SH3KBP1: variants seen among roughly 807,000 people sequenced by gnomAD.
SH3KBP1 encodes SH3 domain-containing kinase-binding protein 1.
Under a neutral mutation model 50.1 loss-of-function variants are expected in SH3KBP1, and 8 were observed. That is an observed-to-expected ratio of 0.16 (90% confidence interval 0.09 to 0.29). The LOEUF is 0.29. Among genes scored for constraint, SH3KBP1 ranks in the 10% least tolerant of loss-of-function variants. SH3KBP1 has a pLI of 1.00. For missense variants in SH3KBP1, 377 were observed against 535.2 expected (o/e 0.70, Z 2.92); for synonymous variants, 227 against 218.6 (o/e 1.04, Z -0.34).
chrX:19,744,224 G>A (rs745808221), intron 3 of SH3KBP1, among the ~76,000 whole-genome samples: 4 of 112,396 alleles, frequency 3.6e-5, no homozygotes, highest in Non-Finnish European at 7.5e-5. Context: ...CAAGTAACTA[G>A]AATCATCCCA....
At chrX:19,659,455 G>C (rs1177834266) in intron 6 of SH3KBP1, among the ~76,000 whole-genome samples, 1 of 109,814 alleles carries the variant, frequency 9.1e-6, no homozygotes, top group Non-Finnish European at 1.9e-5. Context: ...CTAGAGACAG[G>C]GTCTCACTAT....
chrX:19,780,032 A>G (rs1258247719), intron 2 of SH3KBP1, among the ~76,000 whole-genome samples: 82 of 106,002 alleles, frequency 7.7e-4, no homozygotes, highest in Admixed American at 8.3e-4. Flanking sequence ...CTTCCACAAT[A>G]GTTGAACTAG....
At chrX:19,823,232 G>A (rs2067578056) in intron 2 of SH3KBP1, among the ~76,000 whole-genome samples, 1 of 111,397 alleles carries the variant, frequency 9.0e-6, no homozygotes, top group African/African-American at 3.3e-5. Flanking sequence ...TATCTAAAAC[G>A]ACACCCATTT....
Position 19,545,959 on chromosome X carries a change from G to T in SH3KBP1, c.1586C>A (p.Ala529Glu), listed in dbSNP as rs747700708. 2.5e-6 allele frequency: 3 copies of T among 1,210,852 alleles called. No homozygotes were observed. The highest frequency in any genetic ancestry group is 3.4e-6 in the Non-Finnish European group (3 of 894,830). The change falls in exon 15 of 18, where the codon GCG becomes GAG. Residue 529 changes from alanine to glutamate, a missense_variant. Physicochemically the swap from Ala to Glu is moderately radical, Grantham distance 107. Transcript: ENST00000397821. ...HISLAHRGVD[A>E]SKKTSKTVTI... ...AACAGTCTTGGAAGTTTTCTTTGACGCGTCCACTCCTCTGTGCGCAAGTGA... is the reference window on the plus strand; with the variant it reads ...AACAGTCTTGGAAGTTTTCTTTGACTCGTCCACTCCTCTGTGCGCAAGTGA...
intron 1 of SH3KBP1, among the ~76,000 whole-genome samples, chrX:19,866,249 A>C (rs752600393): frequency 2.7e-5 from 3 of 111,538 alleles, no homozygotes; most frequent in Non-Finnish European, 5.7e-5. Context: ...CAACTAAGGA[A>C]GATAAAGGAG....
At chrX:19,711,994 A>G (rs1414797692) in intron 3 of SH3KBP1, among the ~76,000 whole-genome samples, 1 of 111,622 alleles carries the variant, frequency 9.0e-6, no homozygotes, top group Non-Finnish European at 1.9e-5. Flanking sequence ...TCAGCAACAA[A>G]TCAGCACCAC....
chrX:19,802,714 C>G (rs1000037922), intron 2 of SH3KBP1, among the ~76,000 whole-genome samples: 1 of 111,524 alleles, frequency 9.0e-6, no homozygotes, highest in African/African-American at 3.3e-5. Context: ...ATTCCTTCCT[C>G]TTCTGCCCCA....
At chrX:19,640,150 A>AT (rs1293224796) in intron 7 of SH3KBP1, among the ~76,000 whole-genome samples, 1 of 111,262 alleles carries the variant, frequency 9.0e-6, no homozygotes, top group African/African-American at 3.3e-5. Context: ...AAAGTATGTG[A>AT]TTTTAGAGAC....
chrX:19,744,931 A>C (rs1176350831), intron 3 of SH3KBP1, among the ~76,000 whole-genome samples: 1 of 112,754 alleles, frequency 8.9e-6, no homozygotes, highest in African/African-American at 3.2e-5. Flanking sequence ...CTGACTTGAC[A>C]AAAACCATGG....
intron 2 of SH3KBP1, among the ~76,000 whole-genome samples, chrX:19,795,248 A>G (rs1603248391): frequency 8.9e-6 from 1 of 112,072 alleles, no homozygotes; most frequent in East Asian, 2.8e-4. Context: ...TCTTTTGCCA[A>G]GAATTAAGCA....
At chrX:19,708,847 G>T (rs189242608) in intron 3 of SH3KBP1, among the ~76,000 whole-genome samples, 56 of 111,543 alleles carry the variant, frequency 5.0e-4, no homozygotes, top group Non-Finnish European at 9.6e-4. Flanking sequence ...AATGACAAAC[G>T]TCTGAAAACC....
chrX:19,814,785 T>C (rs112763710), intron 2 of SH3KBP1, among the ~76,000 whole-genome samples: 18,353 of 110,378 alleles, frequency 0.17, 1,412 homozygotes, highest in African/African-American at 0.29. Context: ...AGGCCCAGGG[T>C]GAGGCTCAAC....
chrX:19,864,784 A>G (rs1428512720), intron 1 of SH3KBP1, among the ~76,000 whole-genome samples: 2 of 112,251 alleles, frequency 1.8e-5, no homozygotes, highest in East Asian at 5.5e-4. Context: ...ACAATAGGAA[A>G]CGAATATACC....
chrX:19,654,284 C>A (rs1295512712), intron 6 of SH3KBP1, among the ~76,000 whole-genome samples: 1 of 111,533 alleles, frequency 9.0e-6, no homozygotes, highest in African/African-American at 3.3e-5. Flanking sequence ...ATGACAGTAA[C>A]AGGAGGGGTG....
chrX:19,872,479 G>A (rs1166562420), intron 1 of SH3KBP1, among the ~76,000 whole-genome samples: 1 of 109,001 alleles, frequency 9.2e-6, no homozygotes, highest in African/African-American at 3.3e-5. Flanking sequence ...GCTTTTAGAA[G>A]TATCAGTTGG....
intron 2 of SH3KBP1, among the ~76,000 whole-genome samples, chrX:19,755,608 A>G (rs897491706): frequency 5.5e-4 from 61 of 111,545 alleles, no homozygotes; most frequent in African/African-American, 1.9e-3. Flanking sequence ...AAGATGCTTA[A>G]CTGCATTCAC....
At chrX:19,797,207 T>G (rs1211656380) in intron 2 of SH3KBP1, among the ~76,000 whole-genome samples, 2 of 111,589 alleles carry the variant, frequency 1.8e-5, no homozygotes, top group Admixed American at 9.5e-5. Context: ...TGTGGTGATG[T>G]GATGGGAATG....
intron 6 of SH3KBP1, among the ~76,000 whole-genome samples, chrX:19,649,460 G>T (rs2062071458): frequency 9.0e-6 from 1 of 111,435 alleles, no homozygotes; most frequent in Non-Finnish European, 1.9e-5. Context: ...TGGATGGATA[G>T]AGCTGTATCT....
At chrX:19,812,665 CAAAAAAAAAA>C (rs57012379) in intron 2 of SH3KBP1, among the ~76,000 whole-genome samples, 1 of 35,274 alleles carries the variant, frequency 2.8e-5, no homozygotes, top group African/African-American at 7.2e-5. Flanking sequence ...CCCGTCTCTA[CAAAAAAAAAA>C]AAAAAAAAAA....
Sources: allele counts gnomAD v4.1 joint callset (sites outside exome capture counted in the v4.1 genomes callset), GRCh38; gene constraint gnomAD v4.1.1; transcripts MANE v1.5; gene names NCBI Gene and HGNC (gene_info 2026-07-23, HGNC 2026-07-21).